RPH3A: variants seen among roughly 807,000 people sequenced by gnomAD.
The protein encoded by RPH3A is rabphilin-3A.
In RPH3A, 48 loss-of-function variants were observed where a neutral mutation model predicts 102.2. The observed-to-expected ratio is 0.47, with a 90% confidence interval of 0.37 to 0.60. The LOEUF (loss-of-function observed/expected upper bound fraction) is 0.60, where lower values mean the gene tolerates loss of function less well. RPH3A is among the 20% of genes least tolerant of loss of function. The pLI, the probability that RPH3A is intolerant of heterozygous loss-of-function variation, is 0.00. For synonymous variants in RPH3A, 310 were observed against 324.3 expected, an observed-to-expected ratio of 0.96 and a Z score of 0.47; for missense variants, 781 against 910.1, an observed-to-expected ratio of 0.86 and a Z score of 1.83.
At chr12:112,819,697 C>T (rs542375907) in intron 2 of RPH3A, among the ~76,000 whole-genome samples, 89 of 152,336 alleles carry the variant, frequency 5.8e-4, no homozygotes, top group Non-Finnish European at 1.2e-3. Context: ...CTTGGCTGGG[C>T]TTGTTCGTGT....
intron 1 of RPH3A, among the ~76,000 whole-genome samples, chr12:112,734,111 G>A (rs2040652525): frequency 6.6e-6 from 1 of 152,192 alleles, no homozygotes; most frequent in Non-Finnish European, 1.5e-5. Flanking sequence ...GCTGCATAAT[G>A]ATGTTTTGGT....
intron 1 of RPH3A, among the ~76,000 whole-genome samples, chr12:112,614,754 G>A (rs1020030544): frequency 2.7e-5 from 4 of 148,180 alleles, no homozygotes; most frequent in African/African-American, 1.0e-4. Flanking sequence ...TGTATTATGT[G>A]CTGATTGAAT....
At chr12:112,863,212 C>G (rs576486730) in intron 5 of RPH3A, among the ~76,000 whole-genome samples, 1 of 152,370 alleles carries the variant, frequency 6.6e-6, no homozygotes, top group Admixed American at 6.5e-5. Flanking sequence ...CCACCTCAGA[C>G]CTGGTGTTTC....
chr12:112,662,173 C>T (rs750946559), intron 1 of RPH3A, among the ~76,000 whole-genome samples: 21 of 152,150 alleles, frequency 1.4e-4, no homozygotes, highest in African/African-American at 2.2e-4. Context: ...TGGTCTACCA[C>T]GTATTGAGTG....
chr12:112,784,329 C>T (rs561347175), intron 1 of RPH3A, among the ~76,000 whole-genome samples: 136 of 152,286 alleles, frequency 8.9e-4, no homozygotes, highest in Admixed American at 2.1e-3. Flanking sequence ...CCAGCCTCTC[C>T]CCTCTTATTC....
intron 1 of RPH3A, among the ~76,000 whole-genome samples, chr12:112,694,459 C>G (rs1249705380): frequency 6.6e-6 from 1 of 152,034 alleles, no homozygotes; most frequent in African/African-American, 2.4e-5. Context: ...CTTATTTCTT[C>G]CAAGTGACAC....
chr12:112,684,787 C>T (rs2040251497), intron 1 of RPH3A, among the ~76,000 whole-genome samples: 1 of 152,154 alleles, frequency 6.6e-6, no homozygotes, highest in East Asian at 1.9e-4. Context: ...ACAAAAATGT[C>T]TTAGACTGGG....
chr12:112,682,956 G>C (rs2040237518), intron 1 of RPH3A, among the ~76,000 whole-genome samples: 1 of 152,112 alleles, frequency 6.6e-6, no homozygotes, highest in Non-Finnish European at 1.5e-5. Flanking sequence ...ATTTTTTCTA[G>C]GTAGGTTTAG....
At chr12:112,599,993 G>A (rs1398502714) in intron 1 of RPH3A, among the ~76,000 whole-genome samples, 3 of 152,200 alleles carry the variant, frequency 2.0e-5, no homozygotes, top group Non-Finnish European at 4.4e-5. Context: ...GAGTTGCTGT[G>A]AGGACTGAGT....
At chr12:112,641,388 T>C (rs1470042919) in intron 1 of RPH3A, among the ~76,000 whole-genome samples, 1 of 152,142 alleles carries the variant, frequency 6.6e-6, no homozygotes, top group Non-Finnish European at 1.5e-5. Flanking sequence ...TAAAATTGCA[T>C]TTATTTATTT....
chr12:112,665,462 C>T (rs1324039067), intron 1 of RPH3A, among the ~76,000 whole-genome samples: 1 of 152,164 alleles, frequency 6.6e-6, no homozygotes, highest in Non-Finnish European at 1.5e-5. Flanking sequence ...TAGAAATCGA[C>T]TAATCACTTA....
intron 2 of RPH3A, among the ~76,000 whole-genome samples, chr12:112,796,908 G>A (rs1055039811): frequency 6.6e-6 from 1 of 152,140 alleles, no homozygotes; most frequent in African/African-American, 2.4e-5. Context: ...AAATTAGCTT[G>A]GTGTGGTGGT....
chr12:112,813,812 C>T (rs965969860), intron 2 of RPH3A, among the ~76,000 whole-genome samples: 3 of 152,236 alleles, frequency 2.0e-5, no homozygotes, highest in African/African-American at 7.2e-5. Context: ...TGCCCAGGCT[C>T]AGACAGCTTA....
Position 112,879,118 on chromosome 12 carries a change from G to C in RPH3A, c.1172-1G>C. The C allele has an allele frequency of 6.2e-7, 1 of 1,613,612 alleles. No individual in the cohort carries two copies. The highest frequency in any genetic ancestry group is 8.5e-7 in the Non-Finnish European group (1 of 1,179,708). Reference sequence around the variant, plus strand: ...TTGGTTCCTGTCTCTGCCCCCTTCAGCCACCCTGGGTGCCCTGGAATTCAG... The same window carrying C: ...TTGGTTCCTGTCTCTGCCCCCTTCACCCACCCTGGGTGCCCTGGAATTCAG... On this transcript the variant is annotated splice_acceptor_variant, in intron 13 of 21. Coordinates refer to ENST00000389385, the MANE Select transcript of RPH3A (RefSeq NM_001143854.2). LOFTEE classifies it high-confidence loss of function.
intron 1 of RPH3A, among the ~76,000 whole-genome samples, chr12:112,588,097 A>G (rs11612310): frequency 0.11 from 17,046 of 152,184 alleles, 1,116 homozygotes; most frequent in South Asian, 0.34. Flanking sequence ...TGAGATTAGC[A>G]CCTCTATGAT....
chr12:112,748,891 T>C (rs1399488339), intron 1 of RPH3A, among the ~76,000 whole-genome samples: 1 of 152,200 alleles, frequency 6.6e-6, no homozygotes, highest in Non-Finnish European at 1.5e-5. Flanking sequence ...ATTTTTTTTT[T>C]TTAATTATGC....
intron 1 of RPH3A, among the ~76,000 whole-genome samples, chr12:112,586,666 G>A (rs2039441321): frequency 6.6e-6 from 1 of 152,114 alleles, no homozygotes; most frequent in Non-Finnish European, 1.5e-5. Flanking sequence ...TAAGGTGTTT[G>A]TATTTCATTT....
chr12:112,841,706 G>GTTTTTTT (rs150878418), intron 4 of RPH3A, among the ~76,000 whole-genome samples: 1 of 145,066 alleles, frequency 6.9e-6, no homozygotes. Context: ...TTGTTTTTTT[G>GTTTTTTT]GTTTTTTTTT....
At chr12:112,698,050 T>C (rs755375793) in intron 1 of RPH3A, among the ~76,000 whole-genome samples, 2 of 152,154 alleles carry the variant, frequency 1.3e-5, no homozygotes, top group African/African-American at 4.8e-5. Flanking sequence ...TAAAATGTCA[T>C]TGGCAAAAGG....
Sources: allele counts gnomAD v4.1 joint callset (sites outside exome capture counted in the v4.1 genomes callset), GRCh38; gene constraint gnomAD v4.1.1; transcripts MANE v1.5; gene names NCBI Gene and HGNC (gene_info 2026-07-23, HGNC 2026-07-21).